CWF19L2: variants seen among roughly 807,000 people sequenced by gnomAD.
CWF19L2 encodes CWF19-like protein 2.
In CWF19L2, 98 loss-of-function variants were observed where a neutral mutation model predicts 111.7. The observed-to-expected ratio is 0.88, with a 90% CI of 0.75 to 1.04. CWF19L2 has a LOEUF of 1.04. Among genes scored for constraint, CWF19L2 ranks in the 50% least tolerant of loss-of-function variants. The pLI, the probability that CWF19L2 is intolerant of heterozygous loss-of-function variation, is 0.00. For missense variants in CWF19L2, 1,101 were observed against 1,051.4 expected, an observed-to-expected ratio of 1.05 and a Z score of -0.65; for synonymous variants, 351 against 342.9, an observed-to-expected ratio of 1.02 and a Z score of -0.26.
At chr11:107,385,418 T>A (rs1215295608) in intron 12 of CWF19L2, among the ~76,000 whole-genome samples, 9 of 152,042 alleles carry the variant, frequency 5.9e-5, no homozygotes, top group East Asian at 1.9e-4. Flanking sequence ...TTGATCAAAA[T>A]TTTTTTTAAA....
chr11:107,439,190 C>T lies in CWF19L2; in HGVS notation c.571-7G>A. 1 of 1,557,310 alleles carries T rather than the reference C, an allele frequency of 6.4e-7. No individual in the cohort carries two copies. The highest frequency in any genetic ancestry group is 8.7e-7 in the Non-Finnish European group (1 of 1,146,452). On this transcript the variant is annotated splice_polypyrimidine_tract_variant and splice_region_variant and intron_variant, in intron 5 of 17. Coordinates refer to ENST00000282251, the MANE Select transcript of CWF19L2 (RefSeq NM_152434.3). ...CTCTTTCCATCAGTTTGGACTAGAA[C>T]AAATTATTTTCAGAGGTGAAATTTC... is the stretch of plus-strand genomic sequence containing the variant.
intron 6 of CWF19L2, among the ~76,000 whole-genome samples, chr11:107,434,804 AC>A (rs1475897611): frequency 1.3e-5 from 2 of 151,996 alleles, no homozygotes; most frequent in Non-Finnish European, 2.9e-5. Flanking sequence ...AATAATGGTT[AC>A]CCTTCTGGTG....
chr11:107,394,002 C>T (rs1860886711), intron 10 of CWF19L2, among the ~76,000 whole-genome samples: 1 of 152,046 alleles, frequency 6.6e-6, no homozygotes. Flanking sequence ...AAAAAACCTG[C>T]ATATGCAACC....
chr11:107,365,259 G>A (rs1483228240), intron 12 of CWF19L2, among the ~76,000 whole-genome samples: 1 of 145,812 alleles, frequency 6.9e-6, no homozygotes, highest in South Asian at 2.2e-4. Context: ...GGAGGAACTG[G>A]TACCATTCCT....
At chr11:107,387,661 T>G (rs77820965) in intron 12 of CWF19L2, among the ~76,000 whole-genome samples, 1 of 151,992 alleles carries the variant, frequency 6.6e-6, no homozygotes, top group Non-Finnish European at 1.5e-5. Context: ...GATGAAACTA[T>G]TACACCTCAG....
intron 12 of CWF19L2, among the ~76,000 whole-genome samples, chr11:107,359,100 G>T (rs371901247): frequency 3.9e-5 from 6 of 152,268 alleles, no homozygotes; most frequent in South Asian, 4.1e-4. Context: ...TTACCATCAT[G>T]AGTTTGGACT....
At chr11:107,358,687 T>G (rs377152853) in intron 12 of CWF19L2, among the ~76,000 whole-genome samples, 1 of 152,240 alleles carries the variant, frequency 6.6e-6, no homozygotes, top group African/African-American at 2.4e-5. Flanking sequence ...TGCTTAGGGC[T>G]TAAGGAGGAA....
chr11:107,388,036 G>A (rs929669326), intron 12 of CWF19L2, among the ~76,000 whole-genome samples: 7 of 151,924 alleles, frequency 4.6e-5, no homozygotes, highest in Admixed American at 2.6e-4. Flanking sequence ...ATCCTTTGCT[G>A]TTTCTTCTAC....
chr11:107,442,859 A>T, intron 4 of CWF19L2, 80 bp downstream of exon 4: 1 of 671,110 alleles, frequency 1.5e-6, no homozygotes. Context: ...AGGGAGGGAT[A>T]GAGAGGGAAG....
At chr11:107,395,875 C>G (rs892579296) in intron 10 of CWF19L2, among the ~76,000 whole-genome samples, 1 of 152,194 alleles carries the variant, frequency 6.6e-6, no homozygotes, top group Non-Finnish European at 1.5e-5. Flanking sequence ...CTATACACTA[C>G]TGGTACCTAT....
At chr11:107,362,632 C>T (rs1249052455) in intron 12 of CWF19L2, among the ~76,000 whole-genome samples, 1 of 147,540 alleles carries the variant, frequency 6.8e-6, no homozygotes. Context: ...AGAAGGAAAA[C>T]TAACAAACAG....
intron 13 of CWF19L2, among the ~76,000 whole-genome samples, chr11:107,350,602 T>G (rs568798332): frequency 6.6e-6 from 1 of 152,230 alleles, no homozygotes; most frequent in East Asian, 1.9e-4. Context: ...TTCAATAAAT[T>G]TCTGTTGCTG....
chr11:107,408,091 G>C (rs9804545), intron 10 of CWF19L2, among the ~76,000 whole-genome samples: 36,324 of 151,790 alleles, frequency 0.24, 4,494 homozygotes, highest in East Asian at 0.3. Flanking sequence ...TATAGCCTCA[G>C]AACATTCTCT....
intron 12 of CWF19L2, among the ~76,000 whole-genome samples, chr11:107,370,764 A>G (rs1860495702): frequency 7.3e-6 from 1 of 137,242 alleles, no homozygotes; most frequent in Non-Finnish European, 1.6e-5. Context: ...ATAAACTTTA[A>G]TGTTGGCTTT....
intron 12 of CWF19L2, among the ~76,000 whole-genome samples, chr11:107,363,082 GATGAAATGA>G (rs1164256319): frequency 6.6e-6 from 1 of 152,164 alleles, no homozygotes; most frequent in Non-Finnish European, 1.5e-5. Context: ...AGCGATGGAA[GATGAAATGA>G]ATGAAATGAA....
At chr11:107,409,335 CT>C (rs780392744) in intron 10 of CWF19L2, among the ~76,000 whole-genome samples, 3 of 151,982 alleles carry the variant, frequency 2.0e-5, no homozygotes, top group Non-Finnish European at 4.4e-5. Context: ...CTCTATGGCC[CT>C]TAGTTAATTC....
At chr11:107,377,941 C>G (rs1860618282) in intron 12 of CWF19L2, among the ~76,000 whole-genome samples, 1 of 151,800 alleles carries the variant, frequency 6.6e-6, no homozygotes, top group Non-Finnish European at 1.5e-5. Context: ...ACAACCCCAT[C>G]AACAAGTGGG....
chr11:107,371,998 T>G (rs1197617416), intron 12 of CWF19L2, among the ~76,000 whole-genome samples: 1 of 137,302 alleles, frequency 7.3e-6, no homozygotes, highest in Non-Finnish European at 1.6e-5. Flanking sequence ...AACAACAGAA[T>G]ATATCTAAAT....
chr11:107,408,080 C>A (rs2135391005), intron 10 of CWF19L2, among the ~76,000 whole-genome samples: 1 of 152,074 alleles, frequency 6.6e-6, no homozygotes, highest in Non-Finnish European at 1.5e-5. Context: ...AAAATAATGG[C>A]TATAGCCTCA....
Sources: allele counts gnomAD v4.1 joint callset (sites outside exome capture counted in the v4.1 genomes callset), GRCh38; gene constraint gnomAD v4.1.1; transcripts MANE v1.5; gene names NCBI Gene and HGNC (gene_info 2026-07-23, HGNC 2026-07-21).